Variants in A2ML1 observed in about 807,000 individuals in gnomAD.
The protein encoded by A2ML1 is alpha-2-macroglobulin-like protein 1.
A neutral mutation model predicts 181.9 loss-of-function variants in A2ML1; 161 were observed. That is an observed-to-expected ratio of 0.89 (90% CI 0.78 to 1.01). The LOEUF is 1.01. Ranked by LOEUF, A2ML1 falls within the 50% of genes least tolerant of loss-of-function variation. The probability of loss-of-function intolerance (pLI) is 0.00; values close to 1 mark genes in which losing one functional copy is unlikely to be tolerated. For missense variants in A2ML1, 1,670 were observed against 1,768.1 expected (o/e 0.94, Z 1.00); for synonymous variants, 663 against 666.8 (o/e 0.99, Z 0.09).
At position 8,829,981 on chromosome 12, in the gene A2ML1, A is replaced by C. The variant is rs59758568; in HGVS notation, c.462+202A>C. On this transcript the variant is annotated intron_variant, in intron 4 of 35. Coordinates refer to ENST00000299698, the MANE Select transcript of A2ML1 (RefSeq NM_144670.6). Reference sequence around the variant, plus strand: ...AGCCTAGGAACAAGCAGAGGTAACCAGTTCTCAGCTTCAGTATCTACACAT... The same window carrying C: ...AGCCTAGGAACAAGCAGAGGTAACCCGTTCTCAGCTTCAGTATCTACACAT... Among the ~76,000 whole-genome samples, 2,424 of 151,772 alleles carry C rather than the reference A, an allele frequency of 0.016. 62 individuals are homozygous for C. Among genetic ancestry groups the C allele is most frequent in the African/African-American group, 0.055 (2,288 of 41,350 alleles).
rs1160627568 is a variant in A2ML1 at position 8,846,116 on chromosome 12, C to T, written c.1577C>T (p.Ser526Leu). 10 of 1,614,086 alleles carry T rather than the reference C, an allele frequency of 6.2e-6. No homozygotes were observed. In the Admixed American group the frequency reaches 8.3e-5, roughly 13 times the overall value. ...ASFSLSLTFTSRLAPDPSLVI... is the reference protein window; with the variant it reads ...ASFSLSLTFTLRLAPDPSLVI... Reference sequence around the variant, plus strand: ...TTCTCTCTCTCACTGACCTTCACTTCGAGACTGGCCCCTGATCCTTCCCTG... The same window carrying T: ...TTCTCTCTCTCACTGACCTTCACTTTGAGACTGGCCCCTGATCCTTCCCTG... Residue 526 changes from serine to leucine, a missense_variant, in exon 14 of 36, where the codon TCG becomes TTG. By Grantham distance (145) the Ser-to-Leu change is moderately radical (BLOSUM62 -2). Transcript: ENST00000299698.
intron 3 of A2ML1, among the ~76,000 whole-genome samples, chr12:8,828,826 C>T (rs374630794): frequency 1.1e-4 from 17 of 152,172 alleles, no homozygotes; most frequent in Middle Eastern, 3.2e-3. Flanking sequence ...AGCTTCCAAC[C>T]GCTGGGATGG....
At chr12:8,835,864 T>G (rs1943254393) in intron 6 of A2ML1, among the ~76,000 whole-genome samples, 198 bp downstream of exon 6, 1 of 151,736 alleles carries the variant, frequency 6.6e-6, no homozygotes, top group African/African-American at 2.4e-5. Context: ...ATACAAAAAA[T>G]TAGCCGGGCG....
At chr12:8,826,626 GT>G (rs1040230815) in intron 3 of A2ML1, among the ~76,000 whole-genome samples, 2 of 151,708 alleles carry the variant, frequency 1.3e-5, no homozygotes, top group African/African-American at 4.8e-5. Context: ...TTTTGTTTTT[GT>G]TTTTTTGTTT....
chr12:8,854,261 T>A lies in A2ML1; in HGVS notation c.2712+12T>A, dbSNP rs774960083. 35 of 1,590,384 alleles carry A rather than the reference T, an allele frequency of 2.2e-5. No individual in the cohort carries two copies. The highest frequency in any genetic ancestry group is 2.7e-5 in the Non-Finnish European group (31 of 1,168,574). Reference sequence around the variant, plus strand: ...CAGTTCTCGTCAAAGTGAGTTTTCTTCAGAGGTAGAGACAGCAACCAACCG... The same window carrying A: ...CAGTTCTCGTCAAAGTGAGTTTTCTACAGAGGTAGAGACAGCAACCAACCG... On this transcript the variant is annotated intron_variant, in intron 21 of 35. Coordinates refer to ENST00000299698, the MANE Select transcript of A2ML1 (RefSeq NM_144670.6).
rs767948613 is a variant in A2ML1, at chr12:8,838,563, C to A, written c.970+113C>A. Reference sequence around the variant, plus strand: ...TACCCTCTTGAGTGTTTGGATGGTACCTTGTTCCTAGTTCATAGTCAAGGG... The same window carrying A: ...TACCCTCTTGAGTGTTTGGATGGTAACTTGTTCCTAGTTCATAGTCAAGGG... On this transcript the variant is annotated intron_variant, in intron 9 of 35. Coordinates refer to ENST00000299698, the MANE Select transcript of A2ML1 (RefSeq NM_144670.6). 5.8e-6 allele frequency: 4 copies of A among 690,542 alleles called. No homozygotes were observed. The Admixed American group carries it at 1.2e-4, about 21-fold the overall frequency. 42.8% of individuals were successfully genotyped at this position (690,542 alleles called of 1,614,324 possible). A position where few individuals can be genotyped will look rare whatever the true frequency, so the allele number is the denominator to read the frequency against.
Position 8,857,345 on chromosome 12 carries a change from GT to G in A2ML1, c.3025+7del. On this transcript the variant is annotated splice_donor_region_variant and intron_variant, in intron 24 of 35. Transcript: ENST00000299698. ...CAGTGGGTTTCCTGGAAATAGGTAAGTTGGTTCAGTCTTTCTTTCTTGAACA... is the reference window on the plus strand; with the variant it reads ...CAGTGGGTTTCCTGGAAATAGGTAAGTGGTTCAGTCTTTCTTTCTTGAACA... The G allele has an allele frequency of 6.2e-7, 1 of 1,613,952 alleles. No homozygotes were observed. The highest frequency in any genetic ancestry group is 1.1e-5 in the South Asian group (1 of 91,030).
chr12:8,840,277 T>A (rs910721049), intron 10 of A2ML1, among the ~76,000 whole-genome samples: 9 of 151,568 alleles, frequency 5.9e-5, no homozygotes, highest in Non-Finnish European at 8.8e-5. Flanking sequence ...CGAGAATGGC[T>A]TGAACACAGG....
Position 8,844,877 on chromosome 12 carries a change from C to T in A2ML1, c.1477-565C>T, listed in dbSNP as rs74061839. On this transcript the variant is annotated intron_variant, in intron 12 of 35. Coordinates refer to ENST00000299698, the MANE Select transcript of A2ML1 (RefSeq NM_144670.6). ...AATGCTGGGCAGGCGTCCAAGGAACCGACCTTGGAGCCCTGCAGGAGCGTG... is the reference window on the plus strand; with the variant it reads ...AATGCTGGGCAGGCGTCCAAGGAACTGACCTTGGAGCCCTGCAGGAGCGTG... The T allele has an allele frequency of 3.5e-5, 25 of 704,492 alleles. No individual in the cohort carries two copies. The Admixed American group carries it at 9.0e-4, about 25-fold the overall frequency. The allele number at this position is 704,492 out of a possible 1,614,324, so 43.6% of individuals were successfully genotyped here. A position where few individuals can be genotyped will look rare whatever the true frequency, so the allele number is the denominator to read the frequency against.
At position 8,839,171 on chromosome 12, in the gene A2ML1, C is replaced by G; in HGVS notation, c.1029C>G (p.Thr343=). The change falls in exon 10 of 36, where the codon ACC becomes ACG. Residue 343 remains threonine, a synonymous_variant. Transcript: ENST00000299698. The part of the protein sequence containing the change: ...IYISPQMGSM[T]FEDTSNFYHP... The stretch of plus-strand genomic sequence containing the variant: ...TTTCTCCACAAATGGGATCAATGAC[C>G]TTTGAAGACACCAGCAATTTTTACC... 1.9e-6 allele frequency: 3 copies of G among 1,613,680 alleles called. No individual in the cohort carries two copies. Among genetic ancestry groups the G allele is most frequent in the African/African-American group, 1.3e-5 (1 of 75,020 alleles).
chr12:8,849,863 G>T, intron 17 of A2ML1, 104 bp downstream of exon 17: 1 of 1,040,380 alleles, frequency 9.6e-7, no homozygotes, highest in African/African-American at 1.6e-5. Flanking sequence ...TCTAGCCCGA[G>T]AATGCTAATG....
At position 8,837,428 on chromosome 12, in the gene A2ML1, T is replaced by G; in HGVS notation, c.729-12T>G. ...TTTCCCAACTCTGACTCCTTATGCT[T>G]TTCTTGGTTAGGTACACCTATGGAA... is the stretch of plus-strand genomic sequence containing the variant. On this transcript the variant is annotated splice_polypyrimidine_tract_variant and intron_variant, in intron 7 of 35. Transcript: ENST00000299698. 6.2e-7 allele frequency: 1 copy of G among 1,613,288 alleles called. No individual in the cohort carries two copies. The highest frequency in any genetic ancestry group is 8.5e-7 in the Non-Finnish European group (1 of 1,179,506).
At chr12:8,884,305 G>A (rs1293150377) in intron 7 of A2ML1, among the ~76,000 whole-genome samples, 2 of 139,918 alleles carry the variant, frequency 1.4e-5, no homozygotes, top group African/African-American at 5.3e-5. Flanking sequence ...GGCTACCTGT[G>A]CAGGTTTGTT....
intron 29 of A2ML1, among the ~76,000 whole-genome samples, chr12:8,866,809 A>G (rs1404981868): frequency 6.6e-6 from 1 of 151,876 alleles, no homozygotes; most frequent in Non-Finnish European, 1.5e-5. Context: ...ATAAGAATGT[A>G]TTTTTCATTT....
intron 7 of A2ML1, among the ~76,000 whole-genome samples, chr12:8,836,591 C>T (rs996875356): frequency 2.7e-5 from 4 of 149,206 alleles, no homozygotes; most frequent in African/African-American, 9.9e-5. Context: ...TCAAGCGATT[C>T]TCCTGCCTCA....
At chr12:8,828,845 C>A (rs1048232905) in intron 3 of A2ML1, among the ~76,000 whole-genome samples, 1 of 152,306 alleles carries the variant, frequency 6.6e-6, no homozygotes, top group African/African-American at 2.4e-5. Flanking sequence ...GGGCAGTTCA[C>A]CCCTGGCTAA....
intron 23 of A2ML1, among the ~76,000 whole-genome samples, chr12:8,855,968 C>T (rs1944050244): frequency 1.3e-5 from 2 of 152,198 alleles, no homozygotes; most frequent in Non-Finnish European, 2.9e-5. Context: ...AGGCAGCACA[C>T]TTACTGTTTG....
At chr12:8,863,197 C>T (rs1384042809) in intron 28 of A2ML1, among the ~76,000 whole-genome samples, 2 of 151,918 alleles carry the variant, frequency 1.3e-5, no homozygotes, top group Non-Finnish European at 2.9e-5. Context: ...ACCTCCACCT[C>T]CCGGGTTCAA....
intron 10 of A2ML1, 130 bp downstream of exon 10, chr12:8,839,352 T>G: frequency 1.7e-6 from 1 of 578,722 alleles, no homozygotes; most frequent in Non-Finnish European, 3.0e-6. Flanking sequence ...ATTTTAATCT[T>G]TAGAATAATG....
Sources: gnomAD v4.1 joint callset for allele counts (sites outside exome capture counted in the v4.1 genomes callset) on GRCh38, gnomAD v4.1.1 for gene constraint, MANE v1.5 for transcripts, NCBI Gene and HGNC (gene_info 2026-07-23, HGNC 2026-07-21) for gene names.